The following BANP variants were observed in gnomAD, a reference collection of about 807,000 sequenced individuals.
BANP encodes BTG3 associated nuclear protein.
In BANP, 11 loss-of-function variants were observed where a neutral mutation model predicts 68.1. The ratio of observed to expected loss-of-function variants is 0.16; its 90% CI spans 0.10 to 0.27. The LOEUF (loss-of-function observed/expected upper bound fraction) is 0.27, where lower values mean the gene tolerates loss of function less well. BANP is among the 10% of genes least tolerant of loss of function. The pLI, the probability that BANP is intolerant of heterozygous loss-of-function variation, is 1.00. For synonymous variants in BANP, 329 were observed against 303.2 expected (o/e 1.09, Z -0.88); for missense variants, 504 against 722.7 (o/e 0.70, Z 3.47).
intron 1 of BANP, among the ~76,000 whole-genome samples, chr16:87,953,266 C>A (rs185422020): frequency 3.3e-5 from 5 of 152,118 alleles, no homozygotes; most frequent in South Asian, 2.1e-4. Context: ...GAAAGACTTA[C>A]AATGAAAAGC....
chr16:87,953,394 A>G (rs1049784206), intron 1 of BANP, among the ~76,000 whole-genome samples: 2 of 151,882 alleles, frequency 1.3e-5, no homozygotes, highest in Non-Finnish European at 2.9e-5. Flanking sequence ...TTTTTTCTTG[A>G]GATAGGATCC....
chr16:88,030,586 A>T (rs564511491), intron 8 of BANP, among the ~76,000 whole-genome samples: 2 of 152,260 alleles, frequency 1.3e-5, no homozygotes, highest in East Asian at 3.8e-4. Context: ...GGCCTGCGTC[A>T]TTAGGATACC....
intron 13 of BANP, among the ~76,000 whole-genome samples, chr16:88,074,315 G>A (rs548600526): frequency 6.6e-6 from 1 of 152,314 alleles, no homozygotes; most frequent in East Asian, 1.9e-4. Flanking sequence ...AGCTGTGAGG[G>A]CCTGGCTCTG....
intron 11 of BANP, among the ~76,000 whole-genome samples, chr16:88,048,428 C>T (rs886921978): frequency 7.9e-5 from 12 of 151,514 alleles, no homozygotes; most frequent in Non-Finnish European, 1.6e-4. Flanking sequence ...ACAGTGTTCT[C>T]GGTATTGAAT....
intron 11 of BANP, among the ~76,000 whole-genome samples, chr16:88,043,711 C>T (rs4843779): frequency 0.47 from 71,687 of 151,898 alleles, 20,031 homozygotes; most frequent in Non-Finnish European, 0.65. Flanking sequence ...TTCCCTGGAG[C>T]GGGGAGAGGC....
chr16:88,063,366 C>T (rs1247896425), intron 11 of BANP, among the ~76,000 whole-genome samples: 1 of 152,244 alleles, frequency 6.6e-6, no homozygotes, highest in Non-Finnish European at 1.5e-5. Flanking sequence ...GTCCTCCCTG[C>T]CCTTCCACGT....
At position 88,076,294 on chromosome 16, in the gene BANP, G is replaced by C. The variant is rs574615836; in HGVS notation, c.1522-296G>C. ...TTCCCAGTGAGGCAGCGGGTTGGGGGTGGAGAGGCAGGAGCAGCTGCTGCG... is the reference window on the plus strand; with the variant it reads ...TTCCCAGTGAGGCAGCGGGTTGGGGCTGGAGAGGCAGGAGCAGCTGCTGCG... On this transcript the variant is annotated intron_variant, in intron 13 of 13. Transcript: ENST00000682872. Among the ~76,000 whole-genome samples, 530 of 152,276 alleles carry C rather than the reference G, an allele frequency of 3.5e-3. 4 individuals carry two copies. The highest frequency in any genetic ancestry group is 0.012 in the African/African-American group (507 of 41,560).
intron 4 of BANP, among the ~76,000 whole-genome samples, chr16:87,990,849 G>A (rs2065726617): frequency 1.3e-5 from 2 of 152,170 alleles, no homozygotes; most frequent in East Asian, 1.9e-4. Flanking sequence ...TGCAACCTCC[G>A]CCTCCCAGGT....
intron 1 of BANP, among the ~76,000 whole-genome samples, chr16:87,955,015 G>C (rs904449794): frequency 1.3e-5 from 2 of 152,240 alleles, no homozygotes; most frequent in Admixed American, 1.3e-4. Context: ...TGGCCTTGGA[G>C]GGCTGCCAGC....
intron 7 of BANP, among the ~76,000 whole-genome samples, chr16:88,022,159 G>A (rs549997593): frequency 6.6e-6 from 1 of 152,322 alleles, no homozygotes; most frequent in Non-Finnish European, 1.5e-5. Context: ...TAAGGAATGT[G>A]CTCTCAGGAC....
chr16:88,015,451 C>T (rs1013535766), intron 6 of BANP, among the ~76,000 whole-genome samples: 3 of 152,248 alleles, frequency 2.0e-5, no homozygotes, highest in Admixed American at 6.5e-5. Context: ...TCTCCTGTCC[C>T]TCGTCTGCCC....
chr16:88,056,422 A>G (rs2085030006), intron 11 of BANP, among the ~76,000 whole-genome samples: 1 of 151,464 alleles, frequency 6.6e-6, no homozygotes, highest in Non-Finnish European at 1.5e-5. Context: ...GCCCAGGACA[A>G]GCTGGACAAA....
chr16:88,075,857 C>T (rs2091496534), intron 13 of BANP, among the ~76,000 whole-genome samples: 1 of 151,258 alleles, frequency 6.6e-6, no homozygotes, highest in South Asian at 2.1e-4. Flanking sequence ...AGTGATTCTC[C>T]TACCTCAGCT....
rs1386815299 is a variant in BANP, at chr16:87,992,570, G to A, written c.362+8311G>A. On this transcript the variant is annotated intron_variant, in intron 4 of 13. Transcript: ENST00000682872. ...GCACTTTGGGAGGCTGAGGAGGGTG[G>A]ATCACCTGAAGTCAGGAGTTCGAGA... Among the ~76,000 whole-genome samples, 4 of 152,082 alleles carry A rather than the reference G, an allele frequency of 2.6e-5. No homozygotes were observed. In the South Asian group the frequency reaches 8.3e-4, roughly 32 times the overall value.
intron 1 of BANP, among the ~76,000 whole-genome samples, chr16:87,970,849 C>T (rs8053187): frequency 0.33 from 49,657 of 151,810 alleles, 10,430 homozygotes; most frequent in African/African-American, 0.57. Flanking sequence ...GAAACCCCGT[C>T]TCTACTAAAA....
intron 6 of BANP, among the ~76,000 whole-genome samples, chr16:88,013,646 G>A (rs768645147): frequency 6.6e-6 from 1 of 152,234 alleles, no homozygotes; most frequent in Non-Finnish European, 1.5e-5. Context: ...TCCTGGTGCA[G>A]GAGGCTCCAG....
chr16:88,011,218 C>T lies in BANP; in HGVS notation c.655+4953C>T, dbSNP rs72818510. 5.0e-3 allele frequency among the ~76,000 whole-genome samples: 765 copies of T among 152,238 alleles called. 2 individuals are homozygous for T. The highest frequency in any genetic ancestry group is 8.3e-3 in the Non-Finnish European group (566 of 68,018). On this transcript the variant is annotated intron_variant, in intron 6 of 13. Coordinates refer to ENST00000682872, the MANE Select transcript of BANP (RefSeq NM_001386991.1). ...AGCCTGTGCCCCGGGATGGAGGTGT[C>T]GGGAGCAGTCTTGATCCATGGCAGT...
intron 10 of BANP, among the ~76,000 whole-genome samples, chr16:88,037,096 G>A (rs1466724041): frequency 2.6e-5 from 4 of 152,100 alleles, no homozygotes; most frequent in East Asian, 1.9e-4. Flanking sequence ...TATGAAGTTC[G>A]TCAGAATGCT....
chr16:88,025,106 A>G (rs1295550760), intron 7 of BANP, among the ~76,000 whole-genome samples: 1 of 152,094 alleles, frequency 6.6e-6, no homozygotes, highest in Admixed American at 6.5e-5. Context: ...TGCTCCAAAG[A>G]TGTTTTCCTG....
Sources: allele counts gnomAD v4.1 joint callset (sites outside exome capture counted in the v4.1 genomes callset), GRCh38; gene constraint gnomAD v4.1.1; transcripts MANE v1.5; gene names NCBI Gene and HGNC (gene_info 2026-07-23, HGNC 2026-07-21).